ATP6V1B2: variants seen among roughly 807,000 people sequenced by gnomAD.
ATP6V1B2 encodes the protein ATPase H+ transporting V1 subunit B2, also known as V-type proton ATPase subunit B, brain isoform.
In ATP6V1B2, 23 loss-of-function variants were observed where a neutral mutation model predicts 66.7. That is an observed-to-expected ratio of 0.34 (90% CI 0.25 to 0.49). The LOEUF (loss-of-function observed/expected upper bound fraction) is 0.49, where lower values mean the gene tolerates loss of function less well. Ranked by LOEUF, ATP6V1B2 falls within the 20% of genes least tolerant of loss-of-function variation. The pLI is 0.99. For missense variants in ATP6V1B2, 478 were observed against 650.8 expected, an observed-to-expected ratio of 0.73 and a Z score of 2.89; for synonymous variants, 278 against 236.7, an observed-to-expected ratio of 1.17 and a Z score of -1.60.
Position 20,211,542 on chromosome 8 carries a change from C to T in ATP6V1B2, c.604-110C>T, listed in dbSNP as rs1364913014. On this transcript the variant is annotated intron_variant, in intron 6 of 13. Transcript: ENST00000276390. ...GTTTTGTTGAATGAATACCCTAAAA[C>T]ATCCTGGTTTCGTTTATGATTACGA... 6.1e-6 allele frequency: 8 copies of T among 1,315,338 alleles called. No homozygotes were observed. In the Admixed American group the frequency reaches 1.9e-4, roughly 31 times the overall value. 81.5% of individuals were successfully genotyped at this position (1,315,338 alleles called of 1,614,324 possible).
At chr8:20,200,964 A>G (rs1355449312) in intron 1 of ATP6V1B2, among the ~76,000 whole-genome samples, 1 of 152,218 alleles carries the variant, frequency 6.6e-6, no homozygotes, top group African/African-American at 2.4e-5. Flanking sequence ...TTTTCTGAGT[A>G]TTTCGTAATC....
intron 1 of ATP6V1B2, among the ~76,000 whole-genome samples, chr8:20,203,649 T>C (rs1420318436): frequency 6.6e-6 from 1 of 152,194 alleles, no homozygotes; most frequent in African/African-American, 2.4e-5. Context: ...ATTTTGTAGG[T>C]GTCTGGTAGA....
chr8:20,200,104 G>A (rs989032794), intron 1 of ATP6V1B2, among the ~76,000 whole-genome samples: 9 of 152,062 alleles, frequency 5.9e-5, no homozygotes, highest in Non-Finnish European at 8.8e-5. Flanking sequence ...TCAGGCTCAA[G>A]CGATCCTCCC....
At chr8:20,218,008 T>G in intron 12 of ATP6V1B2, 145 bp from the exon 13 acceptor site, 5 of 1,104,824 alleles carry the variant, frequency 4.5e-6, no homozygotes, top group Non-Finnish European at 6.3e-6. Flanking sequence ...TTCTGGTACT[T>G]TCATATGAAT....
intron 10 of ATP6V1B2, 131 bp from the exon 11 acceptor site, chr8:20,216,282 A>G (rs1489652403): frequency 4.3e-6 from 3 of 691,110 alleles, no homozygotes; most frequent in Non-Finnish European, 7.4e-6. Context: ...AATGACTCTA[A>G]GAACACTCTT....
At chr8:20,215,123 C>A in intron 10 of ATP6V1B2, 155 bp downstream of exon 10, 3 of 878,840 alleles carry the variant, frequency 3.4e-6, no homozygotes, top group Non-Finnish European at 3.2e-6. Flanking sequence ...TTGAAAATTA[C>A]CCACAGTTAT....
chr8:20,203,001 TGAA>T (rs1181623453), intron 1 of ATP6V1B2, among the ~76,000 whole-genome samples: 4 of 152,162 alleles, frequency 2.6e-5, no homozygotes, highest in Non-Finnish European at 5.9e-5. Context: ...ATGAGAACAA[TGAA>T]GAAATCTTTT....
Position 20,197,527 on chromosome 8 carries a change from TC to T in ATP6V1B2, c.124del (p.Gln42SerfsTer16). 1 of 1,449,696 alleles carries T rather than the reference TC, an allele frequency of 6.9e-7. No homozygotes were observed. The highest frequency in any genetic ancestry group is 9.1e-7 in the Non-Finnish European group (1 of 1,095,580). The allele number at this position is 1,449,696 out of a possible 1,614,324, so 89.8% of individuals were successfully genotyped here. Reference sequence around the variant, plus strand: ...GCTGGCAGTCAGTCGGAACTACCTCTCCCAGCCTCGCCTCAGTGAGTATCAG... The same window carrying T: ...GCTGGCAGTCAGTCGGAACTACCTCTCCAGCCTCGCCTCAGTGAGTATCAG... ...QALAVSRNYL[S>X]QPRLTYKTVS... On this transcript the variant is annotated frameshift_variant, in exon 1 of 14. Transcript: ENST00000276390. LOFTEE classifies it high-confidence loss of function.
intron 1 of ATP6V1B2, among the ~76,000 whole-genome samples, chr8:20,201,591 C>A: frequency 6.6e-6 from 1 of 151,948 alleles, no homozygotes; most frequent in South Asian, 2.1e-4. Context: ...AAGACTAAGG[C>A]CAGAAATATT....
At chr8:20,202,824 T>C (rs1422527089) in intron 1 of ATP6V1B2, among the ~76,000 whole-genome samples, 10 of 152,216 alleles carry the variant, frequency 6.6e-5, no homozygotes, top group Non-Finnish European at 1.5e-5. Flanking sequence ...CTCAATACCA[T>C]ATCCCCTCCC....
intron 5 of ATP6V1B2, among the ~76,000 whole-genome samples, 169 bp downstream of exon 5, chr8:20,210,815 C>T (rs1308736223): frequency 6.6e-6 from 1 of 151,826 alleles, no homozygotes; most frequent in Non-Finnish European, 1.5e-5. Flanking sequence ...TAGAAATTAT[C>T]GTAAAATTTT....
intron 2 of ATP6V1B2, among the ~76,000 whole-genome samples, chr8:20,207,105 T>C (rs776429963): frequency 3.9e-5 from 6 of 152,138 alleles, no homozygotes; most frequent in Non-Finnish European, 5.9e-5. Context: ...CTATAAAACA[T>C]TGTGAAAGAC....
In ATP6V1B2 at chr8:20,214,981, A is replaced by G. The variant is rs781582114; in HGVS notation, c.1078+13A>G. 6.2e-7 allele frequency: 1 copy of G among 1,612,224 alleles called. No individual in the cohort carries two copies. The highest frequency in any genetic ancestry group is 1.1e-5 in the South Asian group (1 of 90,898). Reference sequence around the variant, plus strand: ...ATGCCTAATGATGGTAAGTTTTGGTATTTGGATTATAACACACCTAATCAT... The same window carrying G: ...ATGCCTAATGATGGTAAGTTTTGGTGTTTGGATTATAACACACCTAATCAT... On this transcript the variant is annotated intron_variant, in intron 10 of 13. Coordinates refer to ENST00000276390, the MANE Select transcript of ATP6V1B2 (RefSeq NM_001693.4).
intron 9 of ATP6V1B2, chr8:20,213,140 G>T: frequency 2.2e-6 from 1 of 461,956 alleles, no homozygotes; most frequent in Non-Finnish European, 3.8e-6. Context: ...TATCTCCATG[G>T]ATTAAGAAAT....
intron 2 of ATP6V1B2, among the ~76,000 whole-genome samples, chr8:20,206,228 T>C (rs551448916): frequency 6.6e-6 from 1 of 152,356 alleles, no homozygotes; most frequent in Admixed American, 6.5e-5. Context: ...TGTTTTTTCC[T>C]ATAACAATTC....
chr8:20,198,688 T>G (rs2072653403), intron 1 of ATP6V1B2, among the ~76,000 whole-genome samples: 1 of 152,154 alleles, frequency 6.6e-6, no homozygotes, highest in South Asian at 2.1e-4. Context: ...AGATGAAGGG[T>G]GTTAGTCTGG....
intron 13 of ATP6V1B2, among the ~76,000 whole-genome samples, chr8:20,218,615 C>T (rs553733152): frequency 6.6e-6 from 1 of 152,302 alleles, no homozygotes; most frequent in East Asian, 1.9e-4. Flanking sequence ...TCTGCTTTGA[C>T]ATTTGGGGCT....
chr8:20,203,799 C>A (rs1002544104), intron 1 of ATP6V1B2, among the ~76,000 whole-genome samples: 1 of 152,186 alleles, frequency 6.6e-6, no homozygotes, highest in African/African-American at 2.4e-5. Context: ...TGGAAAACAA[C>A]AGTCTCTAAC....
chr8:20,211,824 G>A, intron 7 of ATP6V1B2, 71 bp downstream of exon 7: 2 of 1,215,254 alleles, frequency 1.6e-6, no homozygotes, highest in Non-Finnish European at 2.3e-6. Flanking sequence ...GTAGTAAGCT[G>A]TACATATATA....
Sources: allele counts gnomAD v4.1 joint callset (sites outside exome capture counted in the v4.1 genomes callset), GRCh38; gene constraint gnomAD v4.1.1; transcripts MANE v1.5; gene names NCBI Gene and HGNC (gene_info 2026-07-23, HGNC 2026-07-21).